The following ARHGEF6 variants were observed in gnomAD, a reference collection of about 807,000 sequenced individuals.
ARHGEF6 encodes Rac/Cdc42 guanine nucleotide exchange factor 6.
A neutral mutation model predicts 70.3 loss-of-function variants in ARHGEF6; 9 were observed. The ratio of observed to expected loss-of-function variants is 0.13; its 90% CI spans 0.08 to 0.22. ARHGEF6 has a LOEUF of 0.22. ARHGEF6 is among the 10% of genes least tolerant of loss of function. The pLI, the probability that ARHGEF6 is intolerant of heterozygous loss-of-function variation, is 1.00. For missense variants in ARHGEF6, 470 were observed against 563.0 expected (o/e 0.83, Z 1.67); for synonymous variants, 201 against 207.8 (o/e 0.97, Z 0.28).
At chrX:136,749,759 C>A (rs891437227) in intron 2 of ARHGEF6, among the ~76,000 whole-genome samples, 1 of 111,612 alleles carries the variant, frequency 9.0e-6, no homozygotes, top group African/African-American at 3.3e-5. Flanking sequence ...GTTCTTGCTG[C>A]AAGCCTATTC....
At chrX:136,743,058 A>C (rs1180264965) in intron 5 of ARHGEF6, among the ~76,000 whole-genome samples, 1 of 112,241 alleles carries the variant, frequency 8.9e-6, no homozygotes, top group East Asian at 2.8e-4. Flanking sequence ...GTTACAAAAA[A>C]AAGGTAAACA....
Position 136,692,032 on chromosome X carries a change from A to G in ARHGEF6, c.1047-1284T>C, listed in dbSNP as rs188979684. On this transcript the variant is annotated intron_variant, in intron 9 of 21. Transcript: ENST00000250617. Reference sequence around the variant, plus strand: ...TTGCTATCAGTAATAAAGTACTAGGAGGCTGGAAACAGAGCGGATTGCAGG... The same window carrying G: ...TTGCTATCAGTAATAAAGTACTAGGGGGCTGGAAACAGAGCGGATTGCAGG... Among the ~76,000 whole-genome samples, 231 of 111,339 alleles carry G rather than the reference A, an allele frequency of 2.1e-3. 1 individual carries two copies. Among genetic ancestry groups the G allele is most frequent in the African/African-American group, 7.1e-3 (218 of 30,594 alleles).
chrX:136,771,684 T>C (rs1214019449), intron 2 of ARHGEF6, among the ~76,000 whole-genome samples: 1 of 112,285 alleles, frequency 8.9e-6, no homozygotes, highest in Non-Finnish European at 1.9e-5. Context: ...TTCTTAGATA[T>C]GACACCAAAA....
chrX:136,680,187 C>G (rs918213558), intron 15 of ARHGEF6, among the ~76,000 whole-genome samples: 1 of 112,632 alleles, frequency 8.9e-6, no homozygotes, highest in African/African-American at 3.2e-5. Flanking sequence ...ACAAACAACA[C>G]AGCATATCTT....
chrX:136,729,622 G>A (rs746058917), intron 6 of ARHGEF6, among the ~76,000 whole-genome samples: 1 of 108,730 alleles, frequency 9.2e-6, no homozygotes, highest in East Asian at 2.9e-4. Context: ...ACGAACTCAG[G>A]AGTTCGAGAC....
At chrX:136,688,102 G>A (rs925616072) in intron 10 of ARHGEF6, 111 bp from the exon 11 acceptor site, 3 of 577,754 alleles carry the variant, frequency 5.2e-6, no homozygotes, top group African/African-American at 2.2e-5. Context: ...AGAATTTTGG[G>A]GGATGATGGA....
chrX:136,692,627 T>C (rs1370617308), intron 9 of ARHGEF6, among the ~76,000 whole-genome samples: 1 of 112,282 alleles, frequency 8.9e-6, no homozygotes, highest in Non-Finnish European at 1.9e-5. Flanking sequence ...CATGCATTCA[T>C]TCTTGTTTAA....
intron 9 of ARHGEF6, among the ~76,000 whole-genome samples, chrX:136,692,893 C>T (rs2076473055): frequency 9.0e-6 from 1 of 111,704 alleles, no homozygotes; most frequent in African/African-American, 3.3e-5. Context: ...ACTACCAGTA[C>T]CTGTGGTTTC....
chrX:136,695,896 G>A (rs952616643), intron 9 of ARHGEF6, among the ~76,000 whole-genome samples: 1 of 111,895 alleles, frequency 8.9e-6, no homozygotes, highest in Non-Finnish European at 1.9e-5. Context: ...GTACGTGGAT[G>A]TACTTTATAT....
At chrX:136,743,387 C>T (rs2077064927) in intron 5 of ARHGEF6, among the ~76,000 whole-genome samples, 198 bp downstream of exon 5, 1 of 112,049 alleles carries the variant, frequency 8.9e-6, no homozygotes. Flanking sequence ...TTTCTGCTGC[C>T]TTAATGTAAT....
chrX:136,708,039 G>A (rs998591377), intron 8 of ARHGEF6, among the ~76,000 whole-genome samples: 1 of 111,771 alleles, frequency 8.9e-6, no homozygotes, highest in African/African-American at 3.3e-5. Flanking sequence ...ATAGTATCAG[G>A]AGCAATTCAA....
At chrX:136,752,010 C>T (rs1332635187) in intron 2 of ARHGEF6, among the ~76,000 whole-genome samples, 1 of 111,378 alleles carries the variant, frequency 9.0e-6, no homozygotes, top group Non-Finnish European at 1.9e-5. Context: ...TAAAGATACA[C>T]AAGAAAATGC....
At position 136,735,782 on chromosome X, in the gene ARHGEF6, C is replaced by G. The variant is rs181948213; in HGVS notation, c.662-3610G>C. On this transcript the variant is annotated intron_variant, in intron 5 of 21. Coordinates refer to ENST00000250617, the MANE Select transcript of ARHGEF6 (RefSeq NM_004840.3). ...TGGTGGTGATAAGACAAAAAGAAAT[C>G]TAGTGACAAATAGTCTCTCTGGACA... Among the ~76,000 whole-genome samples, 56 of 111,753 alleles carry G rather than the reference C, an allele frequency of 5.0e-4. No homozygotes were observed. In the East Asian group the frequency reaches 0.014, roughly 28 times the overall value.
intron 17 of ARHGEF6, 50 bp from the exon 18 acceptor site, chrX:136,676,767 A>T: frequency 1.1e-6 from 1 of 908,316 alleles, no homozygotes; most frequent in Admixed American, 2.2e-5. Flanking sequence ...CTCAAAAACA[A>T]AAGTAAAAGC....
Position 136,669,600 on chromosome X carries a change from A to G in ARHGEF6, c.2136-64T>C. On this transcript the variant is annotated intron_variant, in intron 20 of 21. Coordinates refer to ENST00000250617, the MANE Select transcript of ARHGEF6 (RefSeq NM_004840.3). ...CACTGAGGTACTGTTAAAATACTTA[A>G]CAATAAAAGCCACTTTATAAAAATA... 1.2e-5 allele frequency: 11 copies of G among 923,662 alleles called. No homozygotes were observed. The South Asian group carries it at 2.2e-4, about 19-fold the overall frequency. 76.1% of individuals were successfully genotyped at this position (923,662 alleles called of 1,213,427 possible). A position where few individuals can be genotyped will look rare whatever the true frequency, so the allele number is the denominator to read the frequency against.
intron 6 of ARHGEF6, among the ~76,000 whole-genome samples, chrX:136,726,808 C>A (rs2076857405): frequency 8.9e-6 from 1 of 112,840 alleles, no homozygotes; most frequent in Non-Finnish European, 1.9e-5. Context: ...TCACTCTGCA[C>A]ACAGATGCTC....
intron 5 of ARHGEF6, 127 bp from the exon 6 acceptor site, chrX:136,732,299 A>G (rs893537850): frequency 5.6e-6 from 3 of 537,214 alleles, no homozygotes; most frequent in Non-Finnish European, 9.5e-6. Flanking sequence ...ACATTCCTAA[A>G]CAAATGAAAC....
At chrX:136,708,016 T>TA (rs1360722613) in intron 8 of ARHGEF6, among the ~76,000 whole-genome samples, 2 of 112,253 alleles carry the variant, frequency 1.8e-5, no homozygotes, top group Admixed American at 1.9e-4. Context: ...TTTCAACTCT[T>TA]AATATAATAG....
At chrX:136,748,323 C>A (rs1468617703) in intron 2 of ARHGEF6, among the ~76,000 whole-genome samples, 1 of 112,000 alleles carries the variant, frequency 8.9e-6, no homozygotes, top group African/African-American at 3.2e-5. Context: ...TAATACTACT[C>A]AACTCTTGGC....
Sources: gnomAD v4.1 joint callset for allele counts (sites outside exome capture counted in the v4.1 genomes callset) on GRCh38, gnomAD v4.1.1 for gene constraint, MANE v1.5 for transcripts, NCBI Gene and HGNC (gene_info 2026-07-23, HGNC 2026-07-21) for gene names.